NLRX1: variants seen among roughly 807,000 people sequenced by gnomAD.
NLRX1 encodes NOD-like receptor X1.
Under a neutral mutation model 74.2 loss-of-function variants are expected in NLRX1, and 67 were observed. That is an observed-to-expected ratio of 0.90 (90% CI 0.74 to 1.11). The LOEUF (loss-of-function observed/expected upper bound fraction) is 1.11. NLRX1 is among the 50% of genes least tolerant of loss of function. The pLI, the probability that NLRX1 is intolerant of heterozygous loss-of-function variation, is 0.00. For missense variants in NLRX1, 1,191 were observed against 1,305.4 expected, an observed-to-expected ratio of 0.91 and a Z score of 1.35; for synonymous variants, 506 against 559.1, an observed-to-expected ratio of 0.91 and a Z score of 1.34.
Position 119,175,909 on chromosome 11 carries a change from C to T in NLRX1, c.1671+635C>T, listed in dbSNP as rs181182868. ...CACTCTGTGTGATGTGTGCCAGGCG[C>T]GTTATCAGTGTTCATCCTTTTGTTT... On this transcript the variant is annotated intron_variant, in intron 6 of 9. Transcript: ENST00000409109. Among the ~76,000 whole-genome samples the T allele has an allele frequency of 1.3e-3, 201 of 152,228 alleles. 4 individuals are homozygous for T. The East Asian group carries it at 0.025, about 19-fold the overall frequency.
At chr11:119,171,990 C>G (rs564436251) in intron 2 of NLRX1, among the ~76,000 whole-genome samples, 28 of 151,772 alleles carry the variant, frequency 1.8e-4, no homozygotes, top group Non-Finnish European at 3.8e-4. Context: ...AGATCATCTT[C>G]GAGAGTCTCT....
chr11:119,175,910 G>A (rs893647992), intron 6 of NLRX1, among the ~76,000 whole-genome samples: 4 of 152,172 alleles, frequency 2.6e-5, no homozygotes, highest in African/African-American at 4.8e-5. Flanking sequence ...TGCCAGGCGC[G>A]TTATCAGTGT....
At chr11:119,181,400 C>T in intron 8 of NLRX1, 143 bp downstream of exon 8, 2 of 647,950 alleles carry the variant, frequency 3.1e-6, no homozygotes, top group East Asian at 2.8e-5. Flanking sequence ...CCTCCACTTC[C>T]CCCAGGTCCA....
Position 119,174,156 on chromosome 11 carries a change from C to G in NLRX1, c.849+58C>G, listed in dbSNP as rs1222323523. 7.6e-6 allele frequency: 12 copies of G among 1,576,022 alleles called. No individual in the cohort carries two copies. The African/African-American group carries it at 1.5e-4, about 19-fold the overall frequency. On this transcript the variant is annotated intron_variant, in intron 5 of 9. Transcript: ENST00000409109. ...TGCCCGTTGACTCGCCCCCTAGGTC[C>G]TGGGTTACTTTAACTCCTGGTCCCT...
rs1948902248 is a variant in NLRX1 at position 119,183,468 on chromosome 11, G to A, written c.*29G>A. The A allele has an allele frequency of 6.3e-6, 10 of 1,590,218 alleles. No homozygotes were observed. Among genetic ancestry groups the A allele is most frequent in the Non-Finnish European group, 8.5e-6 (10 of 1,170,650 alleles). Reference sequence around the variant, plus strand: ...ACTGGCGGCAGGCACCTAGCTATGTGACCACTGGCCCTAAACCTTTTCCCT... The same window carrying A: ...ACTGGCGGCAGGCACCTAGCTATGTAACCACTGGCCCTAAACCTTTTCCCT... On this transcript the variant is annotated 3_prime_UTR_variant, in exon 10 of 10. Coordinates refer to ENST00000409109, the MANE Select transcript of NLRX1 (RefSeq NM_001282144.2). The surrounding 1 kb of genome is among the most constrained non-coding windows in gnomAD (Gnocchi z 5.7).
In NLRX1 at chr11:119,183,649, G is replaced by A. The variant is rs551192017; in HGVS notation, c.*210G>A. ...GTTAAAGATGGTGAATCAATGCTTC[G>A]GGCTTGGAGATGGAACATGCCTCCT... On this transcript the variant is annotated 3_prime_UTR_variant, in exon 10 of 10. Coordinates refer to ENST00000409109, the MANE Select transcript of NLRX1 (RefSeq NM_001282144.2). The surrounding 1 kb of genome is among the most constrained non-coding windows in gnomAD (Gnocchi z 5.7). The A allele has an allele frequency of 2.6e-5, 19 of 719,538 alleles. No individual in the cohort carries two copies. Among genetic ancestry groups the A allele is most frequent in the South Asian group, 8.8e-5 (6 of 68,004 alleles). The allele number at this position is 719,538 out of a possible 1,614,324, so 44.6% of individuals were successfully genotyped here. A position where few individuals can be genotyped will look rare whatever the true frequency, so the allele number is the denominator to read the frequency against.
In NLRX1 at chr11:119,175,236, C is replaced by T. The variant is rs768290163; in HGVS notation, c.1633C>T (p.Pro545Ser). The change falls in exon 6 of 10, where the codon CCT (proline) becomes TCT (serine). Residue 545 changes from proline to serine, a missense_variant. Coordinates refer to ENST00000409109, the MANE Select transcript of NLRX1 (RefSeq NM_001282144.2). ...ACTGGGCATCATGGCCAAGCTGCTG[C>T]CTCTGCGGGCTCTGCCTCTGCTCTT... ...LVLGIMAKLL[P>S]LRALPLLFNL... 1.5e-5 allele frequency: 25 copies of T among 1,613,978 alleles called. No homozygotes were observed. The highest frequency in any genetic ancestry group is 2.0e-5 in the Non-Finnish European group (24 of 1,180,024).
In NLRX1 at chr11:119,179,797, T is replaced by A. The variant is rs978833832; in HGVS notation, c.1776T>A (p.Asp592Glu). Residue 592 changes from aspartate (D) to glutamate (E), a missense_variant, in exon 7 of 10, where the codon GAT (aspartate) becomes GAA (glutamate). By Grantham distance (45) the Asp-to-Glu change is conservative. Transcript: ENST00000409109. ...GAGAGGAGGACTACTACAACGATGA[T>A]GTTCTGGACCAGATGGGCGCCAGTA... ...MFREEDYYND[D>E]VLDQMGASIL... 1.9e-6 allele frequency: 3 copies of A among 1,614,214 alleles called. No homozygotes were observed. Among genetic ancestry groups the A allele is most frequent in the Non-Finnish European group, 2.5e-6 (3 of 1,180,038 alleles).
At position 119,174,476 on chromosome 11, in the gene NLRX1, G is replaced by A; in HGVS notation, c.873G>A (p.Arg291=). The change falls in exon 6 of 10, where the codon CGG becomes CGA. Residue 291 remains arginine (R), a synonymous_variant. Coordinates refer to ENST00000409109, the MANE Select transcript of NLRX1 (RefSeq NM_001282144.2). ...LPQASILVTT[R]PSAIGRIPSK... ...AGGCCAGCATTCTGGTGACCACTCG[G>A]CCCTCTGCCATTGGCCGTATCCCCA... 1 of 1,614,008 alleles carries A rather than the reference G, an allele frequency of 6.2e-7. No homozygotes were observed. Among genetic ancestry groups the A allele is most frequent in the Non-Finnish European group, 8.5e-7 (1 of 1,179,930 alleles).
Position 119,183,226 on chromosome 11 carries a change from G to A in NLRX1, c.2715G>A (p.Ala905=), listed in dbSNP as rs767985397. The A allele has an allele frequency of 2.2e-5, 36 of 1,614,112 alleles. No homozygotes were observed. Among genetic ancestry groups the A allele is most frequent in the South Asian group, 2.0e-4 (18 of 91,094 alleles). Reference sequence around the variant, plus strand: ...TGGTGTCACTGACAGAGGGGACGGCGGTGTCAGAATACTGGTCAGTGATCC... The same window carrying A: ...TGGTGTCACTGACAGAGGGGACGGCAGTGTCAGAATACTGGTCAGTGATCC... The part of the protein sequence containing the change: ...RVVVSLTEGT[A]VSEYWSVILS... The change falls in exon 10 of 10, where the codon GCG becomes GCA. Residue 905 remains alanine, a synonymous_variant. Coordinates refer to ENST00000409109, the MANE Select transcript of NLRX1 (RefSeq NM_001282144.2). The surrounding 1 kb of genome is among the most constrained non-coding windows in gnomAD (Gnocchi z 5.7).
Position 119,183,496 on chromosome 11 carries a change from G to A in NLRX1, c.*57G>A, listed in dbSNP as rs1022349312. On this transcript the variant is annotated 3_prime_UTR_variant, in exon 10 of 10. Transcript: ENST00000409109. This position sits in a 1 kb window ranked among gnomAD's most constrained non-coding sequence, Gnocchi z 5.7. The stretch of plus-strand genomic sequence containing the variant: ...CACTGGCCCTAAACCTTTTCCCTCT[G>A]TGGCCTCCTGGCTTGCACTGCTCCC... The A allele has an allele frequency of 4.7e-6, 7 of 1,497,902 alleles. No individual in the cohort carries two copies. In the African/African-American group the frequency reaches 5.5e-5, roughly 12 times the overall value. The allele number at this position is 1,497,902 out of a possible 1,614,324, so 92.8% of individuals were successfully genotyped here.
In NLRX1 at chr11:119,173,002, G is replaced by T. The variant is rs749544036; in HGVS notation, c.229+13G>T. The T allele has an allele frequency of 1.5e-5, 24 of 1,605,728 alleles. No individual in the cohort carries two copies. Among genetic ancestry groups the T allele is most frequent in the Middle Eastern group, 1.7e-4 (1 of 5,986 alleles). On this transcript the variant is annotated intron_variant, in intron 4 of 9. Transcript: ENST00000409109. The surrounding 1 kb of genome is among the most constrained non-coding windows in gnomAD (Gnocchi z 4.0). ...GCCTCTGCAACTGGTAAAGGGACTGGCTGGGACCCTGGTCAGGGGGTGTGG... is the reference window on the plus strand; with the variant it reads ...GCCTCTGCAACTGGTAAAGGGACTGTCTGGGACCCTGGTCAGGGGGTGTGG...
rs151131986 is a variant in NLRX1, at chr11:119,174,004, G to A, written c.755G>A (p.Arg252Gln). The A allele has an allele frequency of 1.4e-4, 223 of 1,614,146 alleles. 1 individual carries two copies. In the South Asian group the frequency reaches 1.9e-3, roughly 14 times the overall value. ...HGLEHLNLDF[R>Q]LAGTGLCSDP... Reference sequence around the variant, plus strand: ...TTAGAGCATCTCAACCTCGACTTCCGGCTGGCAGGCACGGGACTTTGTAGT... The same window carrying A: ...TTAGAGCATCTCAACCTCGACTTCCAGCTGGCAGGCACGGGACTTTGTAGT... Residue 252 changes from arginine (R) to glutamine (Q), a missense_variant, in exon 5 of 10, where the codon CGG (arginine) becomes CAG (glutamine). Arg to Gln is a conservative substitution (Grantham distance 43, BLOSUM62 1). Coordinates refer to ENST00000409109, the MANE Select transcript of NLRX1 (RefSeq NM_001282144.2).
intron 6 of NLRX1, among the ~76,000 whole-genome samples, chr11:119,179,304 G>C (rs1324353149): frequency 1.3e-5 from 2 of 152,220 alleles, no homozygotes; most frequent in African/African-American, 4.8e-5. Flanking sequence ...CAGGTGTTGA[G>C]AGATGACCCT....
In NLRX1 at chr11:119,174,614, T is replaced by A; in HGVS notation, c.1011T>A (p.Gly337=). 6.2e-7 allele frequency: 1 copy of A among 1,614,086 alleles called. No individual in the cohort carries two copies. The highest frequency in any genetic ancestry group is 8.5e-7 in the Non-Finnish European group (1 of 1,180,020). Residue 337 remains glycine, a synonymous_variant, in exon 6 of 10, where the codon GGT becomes GGA. Transcript: ENST00000409109. ...CGTACTGCGGGTATGCCGTTGGCGG[T>A]TCAGGTGTCTCTGCCACACCAGCTC... The part of the protein sequence containing the change: ...NQPYCGYAVG[G]SGVSATPAQR...
chr11:119,171,062 G>A (rs541797073), intron 1 of NLRX1, among the ~76,000 whole-genome samples: 270 of 152,334 alleles, frequency 1.8e-3, no homozygotes, highest in Middle Eastern at 6.8e-3. Flanking sequence ...AGAATCGCTT[G>A]GGCCCGGGAG....
intron 6 of NLRX1, among the ~76,000 whole-genome samples, chr11:119,178,401 A>C (rs924341454): frequency 1.3e-5 from 2 of 152,204 alleles, no homozygotes; most frequent in African/African-American, 4.8e-5. Flanking sequence ...GTCAGTTAAC[A>C]AAACTACAGG....
Position 119,182,178 on chromosome 11 carries a change from C to T in NLRX1, c.2439C>T (p.Ser813=). ...LAGNTSVTHL[S]LLHTGLGDEG... Reference sequence around the variant, plus strand: ...GAAACACCTCAGTGACGCACCTGTCCCTGCTGCACACGGGCCTTGGGGACG... The same window carrying T: ...GAAACACCTCAGTGACGCACCTGTCTCTGCTGCACACGGGCCTTGGGGACG... The change falls in exon 9 of 10, where the codon TCC becomes TCT. Residue 813 remains serine (S), a synonymous_variant. Transcript: ENST00000409109. The T allele has an allele frequency of 6.2e-7, 1 of 1,614,146 alleles. No individual in the cohort carries two copies. Among genetic ancestry groups the T allele is most frequent in the Non-Finnish European group, 8.5e-7 (1 of 1,180,044 alleles).
In NLRX1 at chr11:119,174,769, C is replaced by G; in HGVS notation, c.1166C>G (p.Pro389Arg). The change falls in exon 6 of 10, where the codon CCT becomes CGT. Residue 389 changes from proline to arginine, a missense_variant. Transcript: ENST00000409109. ...TTGCACTTCCTGCATGCCCCCACGCCTGCTGGGCAGACCCTTACAAGCATC... is the reference window on the plus strand; with the variant it reads ...TTGCACTTCCTGCATGCCCCCACGCGTGCTGGGCAGACCCTTACAAGCATC... ...ATLHFLHAPT[P>R]AGQTLTSIYT... The G allele has an allele frequency of 1.9e-6, 3 of 1,613,880 alleles. No homozygotes were observed. The highest frequency in any genetic ancestry group is 4.5e-5 in the East Asian group (2 of 44,886).
Sources: gnomAD v4.1 joint callset for allele counts (sites outside exome capture counted in the v4.1 genomes callset) on GRCh38, gnomAD v4.1.1 for gene constraint, Gnocchi (gnomAD v3.1) non-coding constraint, MANE v1.5 for transcripts, NCBI Gene and HGNC (gene_info 2026-07-23, HGNC 2026-07-21) for gene names.